MARCHF1: variants seen among roughly 807,000 people sequenced by gnomAD.
The protein encoded by MARCHF1 is membrane associated ring-CH-type finger 1, also known as E3 ubiquitin-protein ligase MARCHF1.
Under a neutral mutation model 54.2 loss-of-function variants are expected in MARCHF1, and 40 were observed. That is an observed-to-expected ratio of 0.74 (90% confidence interval 0.57 to 0.96). MARCHF1 has a LOEUF of 0.96. Ranked by LOEUF, MARCHF1 falls within the 40% of genes least tolerant of loss-of-function variation. MARCHF1 has a pLI of 0.00. For synonymous variants in MARCHF1, 236 were observed against 236.3 expected (o/e 1.00, Z 0.01); for missense variants, 586 against 656.5 (o/e 0.89, Z 1.17).
At chr4:164,358,994 C>A (rs995550035) in intron 1 of MARCHF1, among the ~76,000 whole-genome samples, 1 of 151,870 alleles carries the variant, frequency 6.6e-6, no homozygotes, top group African/African-American at 2.4e-5. Flanking sequence ...TATATCAATC[C>A]ATTTAAGAAA....
chr4:164,175,013 C>T (rs535603384), intron 1 of MARCHF1, among the ~76,000 whole-genome samples: 5 of 152,088 alleles, frequency 3.3e-5, no homozygotes, highest in Admixed American at 6.6e-5. Context: ...ATGTTTTGAA[C>T]TGTGAGCAGA....
At chr4:164,301,137 GA>G (rs1289382480) in intron 1 of MARCHF1, among the ~76,000 whole-genome samples, 7 of 152,058 alleles carry the variant, frequency 4.6e-5, no homozygotes, top group Non-Finnish European at 7.4e-5. Context: ...TGGTGAAAAC[GA>G]GAGACATTTA....
chr4:163,979,152 C>T (rs1234106868), intron 3 of MARCHF1, among the ~76,000 whole-genome samples: 1 of 83,442 alleles, frequency 1.2e-5, no homozygotes, highest in Non-Finnish European at 2.4e-5. Context: ...GGTATATCTC[C>T]CAATGCTATC....
chr4:163,537,137 T>C lies in MARCHF1; in HGVS notation c.1340-8091A>G, dbSNP rs531242640. Among the ~76,000 whole-genome samples, 52 of 109,714 alleles carry C rather than the reference T, an allele frequency of 4.7e-4. No homozygotes were observed. In the Admixed American group the frequency reaches 5.3e-3, roughly 11 times the overall value. 72.0% of individuals were successfully genotyped at this position (109,714 alleles called of 152,430 possible). On this transcript the variant is annotated intron_variant, in intron 9 of 9. Coordinates refer to ENST00000514618, the MANE Select transcript of MARCHF1 (RefSeq NM_001394959.1). ...AAAATAAATTACTGTTGAGTGGTTA[T>C]AAGGATTGTATGTGGAAAACTCACT...
intron 4 of MARCHF1, among the ~76,000 whole-genome samples, chr4:163,766,121 A>T (rs1247613866): frequency 1.3e-5 from 2 of 151,824 alleles, no homozygotes; most frequent in African/African-American, 4.8e-5. Flanking sequence ...CAAGTTATAA[A>T]ATAATAAAAT....
intron 8 of MARCHF1, among the ~76,000 whole-genome samples, chr4:163,546,514 G>T (rs962771063): frequency 3.3e-5 from 5 of 152,076 alleles, no homozygotes; most frequent in Non-Finnish European, 7.4e-5. Flanking sequence ...CACACAACTG[G>T]ACATAGTTTT....
intron 1 of MARCHF1, among the ~76,000 whole-genome samples, chr4:164,145,439 A>C (rs1261907326): frequency 2.6e-5 from 4 of 152,096 alleles, no homozygotes; most frequent in South Asian, 2.1e-4. Context: ...TACTGGCAAA[A>C]CGAATCCAGC....
chr4:163,594,469 G>T (rs923724364), intron 7 of MARCHF1, among the ~76,000 whole-genome samples: 2 of 151,512 alleles, frequency 1.3e-5, no homozygotes, highest in Admixed American at 1.3e-4. Context: ...CACAGAGCCT[G>T]GTATTTCCCT....
intron 3 of MARCHF1, among the ~76,000 whole-genome samples, chr4:163,893,407 AG>A (rs1750707044): frequency 6.6e-6 from 1 of 152,124 alleles, no homozygotes; most frequent in Non-Finnish European, 1.5e-5. Flanking sequence ...CCAAAGTGCC[AG>A]GATTACAGGC....
At chr4:163,897,892 T>TG (rs1750846783) in intron 3 of MARCHF1, among the ~76,000 whole-genome samples, 1 of 148,756 alleles carries the variant, frequency 6.7e-6, no homozygotes, top group East Asian at 2.0e-4. Flanking sequence ...CAGTCTCTAC[T>TG]AAAAAAAAAC....
intron 7 of MARCHF1, among the ~76,000 whole-genome samples, chr4:163,592,752 G>C (rs758244962): frequency 1.9e-4 from 29 of 152,100 alleles, no homozygotes; most frequent in Non-Finnish European, 4.3e-4. Flanking sequence ...TTCTGCTTGG[G>C]ACTGAGGATT....
chr4:164,001,685 G>A (rs947419320), intron 2 of MARCHF1, among the ~76,000 whole-genome samples: 7 of 151,844 alleles, frequency 4.6e-5, no homozygotes, highest in African/African-American at 1.2e-4. Context: ...GTCAAAAAGC[G>A]TGCCTGGTTG....
At chr4:164,347,895 T>G (rs970321673) in intron 1 of MARCHF1, among the ~76,000 whole-genome samples, 4 of 152,186 alleles carry the variant, frequency 2.6e-5, no homozygotes, top group Non-Finnish European at 5.9e-5. Context: ...TTAATGCCAT[T>G]TATTATATAT....
chr4:163,652,953 C>T (rs1743017823), intron 5 of MARCHF1, among the ~76,000 whole-genome samples: 1 of 151,774 alleles, frequency 6.6e-6, no homozygotes, highest in African/African-American at 2.4e-5. Context: ...TTCTTTCCCT[C>T]ATGGAGTTCA....
chr4:163,648,300 T>A (rs1742832751), intron 5 of MARCHF1, among the ~76,000 whole-genome samples: 1 of 151,948 alleles, frequency 6.6e-6, no homozygotes, highest in African/African-American at 2.4e-5. Flanking sequence ...ATATAGTTCC[T>A]AGTTTCAAGA....
chr4:163,893,791 G>A (rs1750716742), intron 3 of MARCHF1, among the ~76,000 whole-genome samples: 1 of 152,070 alleles, frequency 6.6e-6, no homozygotes, highest in Non-Finnish European at 1.5e-5. Context: ...ACATTTAATA[G>A]CATCCCTAAA....
intron 4 of MARCHF1, among the ~76,000 whole-genome samples, chr4:163,720,356 C>G (rs1745405804): frequency 6.6e-6 from 1 of 152,176 alleles, no homozygotes; most frequent in Non-Finnish European, 1.5e-5. Context: ...GATATTATTT[C>G]TGAGGGCTCT....
chr4:163,727,316 T>C (rs1252498796), intron 4 of MARCHF1, among the ~76,000 whole-genome samples: 2 of 51,028 alleles, frequency 3.9e-5, no homozygotes, highest in Non-Finnish European at 1.0e-4. Flanking sequence ...TTTTTTTTCT[T>C]TTTTTTTTTT....
chr4:163,894,645 T>C (rs1227264311), intron 3 of MARCHF1, among the ~76,000 whole-genome samples: 1 of 61,466 alleles, frequency 1.6e-5, no homozygotes, highest in African/African-American at 5.2e-5. Context: ...TATATATGCA[T>C]GTGATGCATA....
Sources: gnomAD v4.1 joint callset for allele counts (sites outside exome capture counted in the v4.1 genomes callset) on GRCh38, gnomAD v4.1.1 for gene constraint, MANE v1.5 for transcripts, NCBI Gene and HGNC (gene_info 2026-07-23, HGNC 2026-07-21) for gene names.